CDH18: variants seen among roughly 807,000 people sequenced by gnomAD.
The protein encoded by CDH18 is cadherin-18.
In CDH18, 31 loss-of-function variants were observed where a neutral mutation model predicts 67.9. The observed-to-expected ratio is 0.46, with a 90% CI of 0.34 to 0.62. The LOEUF (loss-of-function observed/expected upper bound fraction) is 0.62, where lower values mean the gene tolerates loss of function less well. CDH18 is among the 20% of genes least tolerant of loss of function. CDH18 has a pLI of 0.01. For missense variants in CDH18, 890 were observed against 975.5 expected (o/e 0.91, Z 1.17); for synonymous variants, 362 against 347.2 (o/e 1.04, Z -0.48).
intron 5 of CDH18, among the ~76,000 whole-genome samples, chr5:19,661,580 A>C (rs765691466): frequency 7.9e-5 from 12 of 152,060 alleles, no homozygotes; most frequent in Non-Finnish European, 1.6e-4. Flanking sequence ...AAATTCTAAT[A>C]CTACTAGTTA....
intron 7 of CDH18, among the ~76,000 whole-genome samples, chr5:19,588,781 A>C (rs1239255777): frequency 1.3e-5 from 2 of 152,030 alleles, no homozygotes; most frequent in African/African-American, 2.4e-5. Flanking sequence ...TTTAAGCCAA[A>C]AAAGATCGAA....
In CDH18 at chr5:20,103,500, G is replaced by T. The variant is rs573979203; in HGVS notation, c.-517-111486C>A. Among the ~76,000 whole-genome samples, 6 of 150,612 alleles carry T rather than the reference G, an allele frequency of 4.0e-5. No individual in the cohort carries two copies. In the South Asian group the frequency reaches 1.3e-3, roughly 32 times the overall value. On this transcript the variant is annotated intron_variant, in intron 2 of 14. Transcript: ENST00000507958. ...CAGCACTTTGGGAGACCGAGGCAGG[G>T]AGATCACGAGGTCAGGAGTTTGAGA...
intron 1 of CDH18, among the ~76,000 whole-genome samples, chr5:20,346,072 G>GA (rs967863757): frequency 6.6e-6 from 1 of 152,046 alleles, no homozygotes; most frequent in Admixed American, 6.6e-5. Context: ...ACCCTTTTCT[G>GA]AAAATGCAGC....
At chr5:20,091,966 G>C (rs1186690417) in intron 2 of CDH18, among the ~76,000 whole-genome samples, 1 of 152,092 alleles carries the variant, frequency 6.6e-6, no homozygotes, top group Non-Finnish European at 1.5e-5. Flanking sequence ...ATTTTTTCAT[G>C]CCTCACATGC....
At chr5:20,449,838 T>C (rs1407355595) in intron 1 of CDH18, among the ~76,000 whole-genome samples, 1 of 151,816 alleles carries the variant, frequency 6.6e-6, no homozygotes, top group African/African-American at 2.4e-5. Context: ...AAAAAATATA[T>C]ATATATAATT....
intron 1 of CDH18, among the ~76,000 whole-genome samples, chr5:20,313,742 T>G (rs1716970270): frequency 6.6e-6 from 1 of 152,102 alleles, no homozygotes. Context: ...TCTCTGTGTG[T>G]GTGGGTGTAT....
Position 19,543,694 on chromosome 5 carries a change from G to A in CDH18, c.1390+175C>T, listed in dbSNP as rs187824942. On this transcript the variant is annotated intron_variant, in intron 9 of 12. Coordinates refer to ENST00000382275, the MANE Select transcript of CDH18 (RefSeq NM_004934.5). Reference sequence around the variant, plus strand: ...TGCCAGAATTACAGTAAGGAGGAAGGCATAAGACTTATTCATGCTATCTGA... The same window carrying A: ...TGCCAGAATTACAGTAAGGAGGAAGACATAAGACTTATTCATGCTATCTGA... Among the ~76,000 whole-genome samples the A allele has an allele frequency of 4.2e-3, 633 of 152,174 alleles. 1 individual carries two copies. The highest frequency in any genetic ancestry group is 6.5e-3 in the Non-Finnish European group (439 of 67,994).
intron 2 of CDH18, among the ~76,000 whole-genome samples, chr5:20,122,984 A>T (rs1748491371): frequency 6.7e-6 from 1 of 148,260 alleles, no homozygotes. Flanking sequence ...ATTGAGATGT[A>T]ACCTCCTCTA....
At chr5:20,242,622 A>ATACACATGTATATATATATATG (rs1743046943) in intron 2 of CDH18, among the ~76,000 whole-genome samples, 3 of 106,966 alleles carry the variant, frequency 2.8e-5, no homozygotes. Context: ...ATATATATAT[A>ATACACATGTATATATATATATG]TATATATATA....
At position 20,161,033 on chromosome 5, in the gene CDH18, GT is replaced by G. The variant is rs1751929257; in HGVS notation, c.-518+94410del. On this transcript the variant is annotated intron_variant, in intron 2 of 14. Coordinates refer to the CDH18 transcript ENST00000507958. ...ACATACTGACTGTGGCTGCTGTTGT[GT>G]TACAACAGAACTGAGTGTTTGGAAA... Among the ~76,000 whole-genome samples, 25 of 152,202 alleles carry G rather than the reference GT, an allele frequency of 1.6e-4. 1 individual carries two copies. The highest frequency in any genetic ancestry group is 1.6e-3 in the Admixed American group (25 of 15,286).
chr5:20,561,772 A>G (rs1758232271), intron 1 of CDH18, among the ~76,000 whole-genome samples: 1 of 152,042 alleles, frequency 6.6e-6, no homozygotes, highest in African/African-American at 2.4e-5. Flanking sequence ...AATTAAATGC[A>G]ATAAAAATGG....
At chr5:19,638,634 G>A (rs1753513986) in intron 5 of CDH18, among the ~76,000 whole-genome samples, 1 of 151,342 alleles carries the variant, frequency 6.6e-6, no homozygotes, top group South Asian at 2.1e-4. Flanking sequence ...TGGAACAGTA[G>A]GAGGTTCCTG....
chr5:19,742,427 C>T (rs1433767889), intron 4 of CDH18, among the ~76,000 whole-genome samples: 1 of 151,656 alleles, frequency 6.6e-6, no homozygotes, highest in African/African-American at 2.4e-5. Flanking sequence ...CACACACACA[C>T]GGACACACAT....
chr5:20,514,495 G>C (rs1303124969), intron 1 of CDH18, among the ~76,000 whole-genome samples: 1 of 152,124 alleles, frequency 6.6e-6, no homozygotes, highest in Non-Finnish European at 1.5e-5. Context: ...GAAGTTTAGA[G>C]AGAGGGAGTT....
intron 5 of CDH18, among the ~76,000 whole-genome samples, chr5:19,660,678 T>C (rs1043675405): frequency 6.6e-6 from 1 of 152,090 alleles, no homozygotes; most frequent in Non-Finnish European, 1.5e-5. Flanking sequence ...GTAGGGAAAA[T>C]TATCAAGTTT....
chr5:19,914,324 G>A (rs1214281884), intron 2 of CDH18, among the ~76,000 whole-genome samples: 1 of 151,944 alleles, frequency 6.6e-6, no homozygotes, highest in African/African-American at 2.4e-5. Flanking sequence ...ACTGTATAAA[G>A]TTATATACTC....
intron 1 of CDH18, among the ~76,000 whole-genome samples, chr5:20,412,319 C>A (rs1336074959): frequency 6.6e-6 from 1 of 152,104 alleles, no homozygotes; most frequent in Non-Finnish European, 1.5e-5. Flanking sequence ...TAGCCATAAG[C>A]AGTGAAATAA....
intron 2 of CDH18, among the ~76,000 whole-genome samples, chr5:20,186,885 A>G (rs1047684655): frequency 3.9e-5 from 6 of 151,964 alleles, no homozygotes; most frequent in Non-Finnish European, 8.8e-5. Flanking sequence ...AGAAAGTGGA[A>G]GCAAACCAAG....
chr5:20,374,397 A>C (rs1424440100), intron 1 of CDH18, among the ~76,000 whole-genome samples: 1 of 152,228 alleles, frequency 6.6e-6, no homozygotes, highest in Non-Finnish European at 1.5e-5. Flanking sequence ...AGTAATTATT[A>C]ATGTGGGCCT....
Sources: allele counts gnomAD v4.1 joint callset (sites outside exome capture counted in the v4.1 genomes callset), GRCh38; gene constraint gnomAD v4.1.1; transcripts MANE v1.5; gene names NCBI Gene and HGNC (gene_info 2026-07-23, HGNC 2026-07-21).